The following SLC13A4 variants were observed in gnomAD, a reference collection of about 807,000 sequenced individuals.
SLC13A4 encodes the protein solute carrier family 13 member 4.
SLC13A4 carries 28 observed loss-of-function variants against 72.7 expected under a neutral mutation model. The observed-to-expected ratio is 0.39, with a 90% CI of 0.29 to 0.53. SLC13A4 has a LOEUF of 0.53. Ranked by LOEUF, SLC13A4 falls within the 20% of genes least tolerant of loss-of-function variation. The pLI is 0.78. For synonymous variants in SLC13A4, 312 were observed against 325.5 expected (o/e 0.96, Z 0.45); for missense variants, 653 against 788.0 (o/e 0.83, Z 2.05).
At chr7:135,719,410 G>C (rs1472680474) in intron 2 of SLC13A4, among the ~76,000 whole-genome samples, 1 of 152,056 alleles carries the variant, frequency 6.6e-6, no homozygotes, top group Non-Finnish European at 1.5e-5. Context: ...GGTTATTTAG[G>C]ATTCAGTTCT....
intron 2 of SLC13A4, among the ~76,000 whole-genome samples, chr7:135,719,957 G>A (rs553789101): frequency 1.6e-5 from 2 of 123,078 alleles, no homozygotes; most frequent in East Asian, 2.4e-4. Context: ...GAGTTGGGGG[G>A]AGAGAGAGAG....
intron 8 of SLC13A4, among the ~76,000 whole-genome samples, chr7:135,697,052 T>G (rs1049254714): frequency 1.3e-5 from 2 of 152,202 alleles, no homozygotes; most frequent in African/African-American, 4.8e-5. Flanking sequence ...TCCACTCCCG[T>G]AGCTTCCCTT....
intron 14 of SLC13A4, among the ~76,000 whole-genome samples, chr7:135,685,283 A>G (rs116947129): frequency 1.3e-5 from 2 of 152,006 alleles, no homozygotes; most frequent in Non-Finnish European, 2.9e-5. Context: ...AACTAATCCT[A>G]CTCTTTTGGA....
intron 11 of SLC13A4, 94 bp downstream of exon 11, chr7:135,692,228 TC>T (rs1358515768): frequency 2.3e-6 from 2 of 885,380 alleles, no homozygotes; most frequent in Admixed American, 2.1e-5. Context: ...AATGAAATCT[TC>T]CTGGCTTCAT....
At position 135,695,549 on chromosome 7, in the gene SLC13A4, G is replaced by A. The variant is rs74926256; in HGVS notation, c.900-62C>T. On this transcript the variant is annotated intron_variant, in intron 8 of 15. Coordinates refer to ENST00000682651, the MANE Select transcript of SLC13A4 (RefSeq NM_001318192.2). Reference sequence around the variant, plus strand: ...GAGGGTTTCCATATGGTATTTTGGGGTAGTATGCCAAATGCTCCCTAAAAC... The same window carrying A: ...GAGGGTTTCCATATGGTATTTTGGGATAGTATGCCAAATGCTCCCTAAAAC... 6.4e-4 allele frequency: 1,003 copies of A among 1,557,118 alleles called. 10 individuals carry two copies. In the African/African-American group the frequency reaches 0.012, roughly 19 times the overall value.
At chr7:135,689,043 A>T (rs1795710871) in intron 13 of SLC13A4, 2 of 151,838 alleles carry the variant, frequency 1.3e-5, no homozygotes, top group South Asian at 4.2e-4. Context: ...GCACCACCAC[A>T]CTGGGCTAAC....
intron 8 of SLC13A4, among the ~76,000 whole-genome samples, chr7:135,696,736 A>G (rs1050369243): frequency 3.9e-5 from 6 of 152,108 alleles, no homozygotes; most frequent in African/African-American, 1.4e-4. Flanking sequence ...CTTAGTCCTC[A>G]ACTCACCAGA....
rs1475734041 is a variant in SLC13A4, at chr7:135,727,629, G to A, written c.-133C>T. The A allele has an allele frequency of 9.5e-6, 11 of 1,159,050 alleles. No homozygotes were observed. The highest frequency in any genetic ancestry group is 2.0e-4 in the Middle Eastern group (1 of 5,010). The allele number at this position is 1,159,050 out of a possible 1,614,324, so 71.8% of individuals were successfully genotyped here. ...CTTCCGAGAGTCCTCCTTCGTCTTG[G>A]GGGCAGAACGGGAGGGCAGTTATAC... is the stretch of plus-strand genomic sequence containing the variant. On this transcript the variant is annotated 5_prime_UTR_variant, in exon 1 of 16. Transcript: ENST00000682651.
intron 2 of SLC13A4, among the ~76,000 whole-genome samples, chr7:135,717,922 G>A (rs950805146): frequency 9.7e-6 from 1 of 103,424 alleles, no homozygotes; most frequent in Non-Finnish European, 2.2e-5. Context: ...TCCTGCCCTG[G>A]GACTGGGATC....
intron 1 of SLC13A4, among the ~76,000 whole-genome samples, chr7:135,725,418 A>G (rs1446575582): frequency 1.3e-5 from 2 of 152,228 alleles, no homozygotes; most frequent in Non-Finnish European, 2.9e-5. Flanking sequence ...GGAAGGGCTT[A>G]GTTATGGATG....
intron 10 of SLC13A4, 29 bp downstream of exon 10, chr7:135,694,108 A>C: frequency 1.5e-6 from 2 of 1,322,662 alleles, no homozygotes; most frequent in South Asian, 1.2e-5. Flanking sequence ...CTGCTGGAGA[A>C]GGAGGGAAGA....
At position 135,691,664 on chromosome 7, in the gene SLC13A4, T is replaced by C; in HGVS notation, c.1224-19A>G. 6.4e-7 allele frequency: 1 copy of C among 1,569,118 alleles called. No individual in the cohort carries two copies. The highest frequency in any genetic ancestry group is 8.8e-7 in the Non-Finnish European group (1 of 1,140,030). On this transcript the variant is annotated intron_variant, in intron 11 of 15. Coordinates refer to ENST00000682651, the MANE Select transcript of SLC13A4 (RefSeq NM_001318192.2). ...GCCTTTCCTAGTAAAGAGACAAGCA[T>C]AGCTGAGGAGAAGGGTCAGGAATTT...
At chr7:135,695,332 G>A in intron 9 of SLC13A4, 36 bp downstream of exon 9, 1 of 1,612,242 alleles carries the variant, frequency 6.2e-7, no homozygotes, top group Non-Finnish European at 8.5e-7. Flanking sequence ...CAACAGGGGG[G>A]CTTCAGTGCT....
At chr7:135,711,748 GTGTTTTTGTTTT>G (rs138082425) in intron 2 of SLC13A4, among the ~76,000 whole-genome samples, 42 of 151,928 alleles carry the variant, frequency 2.8e-4, no homozygotes, top group South Asian at 1.9e-3. Flanking sequence ...ATTTCTTGTC[GTGTTTTTGTTTT>G]TGTTTTTGTT....
chr7:135,681,342 G>A lies in SLC13A4; in HGVS notation c.*221C>T. The A allele has an allele frequency of 4.6e-6, 2 of 434,606 alleles. No individual in the cohort carries two copies. Among genetic ancestry groups the A allele is most frequent in the Non-Finnish European group, 4.0e-6 (1 of 248,508 alleles). 26.9% of individuals were successfully genotyped at this position (434,606 alleles called of 1,614,324 possible). A position where few individuals can be genotyped will look rare whatever the true frequency, so the allele number is the denominator to read the frequency against. On this transcript the variant is annotated 3_prime_UTR_variant, in exon 16 of 16. Transcript: ENST00000682651. The stretch of plus-strand genomic sequence containing the variant: ...TTAGGTTTTCTTGAGCTGTGGTGCT[G>A]AGGGCAGGAAGAAGACACTAACAGC...
intron 2 of SLC13A4, among the ~76,000 whole-genome samples, chr7:135,714,862 C>T (rs1487207698): frequency 1.3e-5 from 2 of 152,248 alleles, no homozygotes; most frequent in Admixed American, 6.5e-5. Context: ...GCCTGTACTC[C>T]TCTCCTGCCC....
chr7:135,718,517 G>A (rs977872522), intron 2 of SLC13A4, among the ~76,000 whole-genome samples: 3 of 152,104 alleles, frequency 2.0e-5, no homozygotes, highest in East Asian at 1.9e-4. Flanking sequence ...CATGAATCTC[G>A]GTGGGGAGAG....
intron 2 of SLC13A4, among the ~76,000 whole-genome samples, chr7:135,714,021 C>T (rs1206418753): frequency 1.3e-5 from 2 of 152,220 alleles, no homozygotes; most frequent in East Asian, 3.8e-4. Context: ...ACAGCCAAGC[C>T]AGCAGTGTCT....
chr7:135,691,231 C>G lies in SLC13A4; in HGVS notation c.1416G>C (p.Gly472=), dbSNP rs573791973. Residue 472 remains glycine (G), a synonymous_variant, in exon 13 of 16, where the codon GGG becomes GGC. Transcript: ENST00000682651. ...TMPWEIVILV[G]GGYALASGSK... ...TACCAGAAGCCAGAGCATAGCCTCC[C>G]CCAACCAGAATGACAATCTCCCAGG... The G allele has an allele frequency of 5.6e-6, 9 of 1,612,596 alleles. No homozygotes were observed. Among genetic ancestry groups the G allele is most frequent in the Non-Finnish European group, 7.6e-6 (9 of 1,179,630 alleles).
Sources: gnomAD v4.1 joint callset for allele counts (sites outside exome capture counted in the v4.1 genomes callset) on GRCh38, gnomAD v4.1.1 for gene constraint, MANE v1.5 for transcripts, NCBI Gene and HGNC (gene_info 2026-07-23, HGNC 2026-07-21) for gene names.